The following RFX3 variants were observed in gnomAD, a reference collection of about 807,000 sequenced individuals.
RFX3 encodes transcription factor RFX3.
In RFX3, 14 loss-of-function variants were observed where a neutral mutation model predicts 98.6. That is an observed-to-expected ratio of 0.14 (90% CI 0.09 to 0.22). RFX3 has a LOEUF of 0.22. Among genes scored for constraint, RFX3 ranks in the 10% least tolerant of loss-of-function variants. The pLI is 1.00. For synonymous variants in RFX3, 383 were observed against 328.4 expected, an observed-to-expected ratio of 1.17 and a Z score of -1.80; for missense variants, 639 against 926.9, an observed-to-expected ratio of 0.69 and a Z score of 4.03.
chr9:3,480,776 TA>T (rs1221720275), intron 1 of RFX3, among the ~76,000 whole-genome samples: 1 of 152,120 alleles, frequency 6.6e-6, no homozygotes, highest in East Asian at 1.9e-4. Flanking sequence ...TGCTGTATTG[TA>T]AAACAGGAAA....
At chr9:3,403,779 G>A (rs1841698674) in intron 1 of RFX3, among the ~76,000 whole-genome samples, 1 of 152,122 alleles carries the variant, frequency 6.6e-6, no homozygotes, top group Admixed American at 6.6e-5. Flanking sequence ...GGCTTAAAAG[G>A]CAGCATTATT....
chr9:3,348,287 T>A (rs1373479486), intron 2 of RFX3, among the ~76,000 whole-genome samples: 1 of 152,136 alleles, frequency 6.6e-6, no homozygotes, highest in African/African-American at 2.4e-5. Flanking sequence ...TTTTAAAAGT[T>A]GTGTACTTAG....
At chr9:3,356,946 C>G (rs1029012202) in intron 2 of RFX3, among the ~76,000 whole-genome samples, 2 of 140,258 alleles carry the variant, frequency 1.4e-5, no homozygotes, top group South Asian at 4.2e-4. Context: ...ATTAAACACA[C>G]ACACACATAC....
chr9:3,377,761 A>T (rs980360138), intron 2 of RFX3, among the ~76,000 whole-genome samples: 2 of 152,126 alleles, frequency 1.3e-5, no homozygotes, highest in Non-Finnish European at 2.9e-5. Flanking sequence ...GGGTAATGAA[A>T]ATGTTCTGTA....
intron 2 of RFX3, among the ~76,000 whole-genome samples, chr9:3,356,039 C>T (rs1426772157): frequency 6.7e-6 from 1 of 149,892 alleles, no homozygotes; most frequent in Non-Finnish European, 1.5e-5. Flanking sequence ...CAGAGCCTCG[C>T]ATAGAGGGAA....
chr9:3,449,978 C>A (rs1587712221), intron 1 of RFX3, among the ~76,000 whole-genome samples: 2 of 150,712 alleles, frequency 1.3e-5, no homozygotes, highest in Non-Finnish European at 2.9e-5. Flanking sequence ...TTGGTTAATT[C>A]TTTGAAAATG....
At chr9:3,374,251 T>C (rs773232019) in intron 2 of RFX3, among the ~76,000 whole-genome samples, 52 of 152,330 alleles carry the variant, frequency 3.4e-4, no homozygotes, top group African/African-American at 1.0e-3. Flanking sequence ...ATAGCTGTTA[T>C]GGAAAACAGT....
intron 2 of RFX3, among the ~76,000 whole-genome samples, chr9:3,348,030 G>T (rs1224494834): frequency 6.6e-6 from 1 of 152,094 alleles, no homozygotes; most frequent in Non-Finnish European, 1.5e-5. Flanking sequence ...TTTTTTCAAA[G>T]TAAGATCCAA....
chr9:3,349,048 T>C (rs957824332), intron 2 of RFX3, among the ~76,000 whole-genome samples: 1 of 152,126 alleles, frequency 6.6e-6, no homozygotes, highest in Non-Finnish European at 1.5e-5. Flanking sequence ...GGTCTTTTCA[T>C]TGAACCAAGC....
At chr9:3,245,417 G>A (rs1170268382) in intron 15 of RFX3, among the ~76,000 whole-genome samples, 1 of 152,140 alleles carries the variant, frequency 6.6e-6, no homozygotes, top group Non-Finnish European at 1.5e-5. Flanking sequence ...AGAGGGGCAG[G>A]GCCAGATCAT....
intron 1 of RFX3, 68 bp downstream of exon 1, chr9:3,525,678 CG>C: frequency 6.3e-6 from 1 of 158,390 alleles, no homozygotes; most frequent in East Asian, 1.9e-4. Flanking sequence ...AACACACACA[CG>C]CACGGACACA....
chr9:3,254,523 T>C (rs1464712381), intron 14 of RFX3, among the ~76,000 whole-genome samples: 1 of 151,912 alleles, frequency 6.6e-6, no homozygotes, highest in Admixed American at 6.6e-5. Context: ...GTTGGGCAAC[T>C]GGGAAAATAT....
At chr9:3,233,078 A>G (rs1818692410) in intron 15 of RFX3, among the ~76,000 whole-genome samples, 2 of 152,220 alleles carry the variant, frequency 1.3e-5, no homozygotes, top group South Asian at 4.1e-4. Flanking sequence ...CCTATAGACT[A>G]TTTCCTCTGG....
chr9:3,260,849 T>C (rs969548186), intron 13 of RFX3, among the ~76,000 whole-genome samples: 2 of 150,090 alleles, frequency 1.3e-5, no homozygotes, highest in African/African-American at 4.9e-5. Flanking sequence ...TATATAGTTT[T>C]AAATTAGATA....
chr9:3,524,821 T>A (rs1272844723), intron 1 of RFX3, among the ~76,000 whole-genome samples: 1 of 111,010 alleles, frequency 9.0e-6, no homozygotes, highest in African/African-American at 3.6e-5. Context: ...CCGGTTTAAA[T>A]CACAAGCACA....
intron 1 of RFX3, among the ~76,000 whole-genome samples, chr9:3,472,651 G>C (rs1848875311): frequency 6.6e-6 from 1 of 152,234 alleles, no homozygotes; most frequent in African/African-American, 2.4e-5. Context: ...TCTATCGTAA[G>C]GATTTAAGCA....
intron 5 of RFX3, among the ~76,000 whole-genome samples, chr9:3,299,039 G>T (rs556163890): frequency 6.6e-6 from 1 of 151,562 alleles, no homozygotes; most frequent in African/African-American, 2.4e-5. Context: ...ATCATAAAGC[G>T]GAATTCATGT....
intron 14 of RFX3, among the ~76,000 whole-genome samples, chr9:3,252,368 A>G (rs1263291680): frequency 1.3e-5 from 2 of 152,232 alleles, no homozygotes; most frequent in Non-Finnish European, 2.9e-5. Flanking sequence ...ATATAAAGTT[A>G]GGGAGTAAGA....
intron 2 of RFX3, chr9:3,364,454 G>A (rs1732979781): frequency 3.8e-6 from 1 of 263,512 alleles, no homozygotes; most frequent in Non-Finnish European, 7.4e-6. Flanking sequence ...AAGGGCCACA[G>A]GAAGTTATTT....
Sources: allele counts gnomAD v4.1 joint callset (sites outside exome capture counted in the v4.1 genomes callset), GRCh38; gene constraint gnomAD v4.1.1; transcripts MANE v1.5; gene names NCBI Gene and HGNC (gene_info 2026-07-23, HGNC 2026-07-21).